Variants in ADAP1 observed in about 807,000 individuals in gnomAD.
The protein encoded by ADAP1 is arf-GAP with dual PH domain-containing protein 1.
Under a neutral mutation model 54.9 loss-of-function variants are expected in ADAP1, and 31 were observed. The observed-to-expected ratio is 0.56, with a 90% CI of 0.42 to 0.76. The LOEUF (loss-of-function observed/expected upper bound fraction) is 0.76, where lower values mean the gene tolerates loss of function less well. Among genes scored for constraint, ADAP1 ranks in the 30% least tolerant of loss-of-function variants. The pLI is 0.00. For synonymous variants in ADAP1, 313 were observed against 202.6 expected, an observed-to-expected ratio of 1.55 and a Z score of -4.63; for missense variants, 535 against 512.4, an observed-to-expected ratio of 1.04 and a Z score of -0.42.
intron 3 of ADAP1, among the ~76,000 whole-genome samples, chr7:922,710 C>T (rs1362056396): frequency 2.0e-5 from 3 of 152,138 alleles, no homozygotes; most frequent in Non-Finnish European, 4.4e-5. Flanking sequence ...CCCCCAGGGC[C>T]CCCGGCTTTG....
intron 4 of ADAP1, among the ~76,000 whole-genome samples, chr7:918,692 G>C (rs1846033246): frequency 6.6e-6 from 1 of 152,186 alleles, no homozygotes; most frequent in African/African-American, 2.4e-5. Context: ...CCAGGCCCTA[G>C]GGCTAGGCTT....
chr7:914,535 T>C (rs1005990210), intron 4 of ADAP1, among the ~76,000 whole-genome samples: 1 of 152,120 alleles, frequency 6.6e-6, no homozygotes, highest in African/African-American at 2.4e-5. Flanking sequence ...CTCCTGCTGC[T>C]GCACCCACCC....
At chr7:905,291 ACACGGACAGGGG>A (rs1845069742) in intron 4 of ADAP1, 119 bp from the exon 5 acceptor site, 5 of 311,328 alleles carry the variant, frequency 1.6e-5, no homozygotes, top group South Asian at 2.6e-5. Context: ...CGGACGGGGG[ACACGGACAGGGG>A]GAGACGGACG....
upstream of ADAP1, among the ~76,000 whole-genome samples, chr7:955,052 G>A (rs1339993877): frequency 6.6e-6 from 1 of 152,144 alleles, no homozygotes; most frequent in African/African-American, 2.4e-5. Context: ...TACGGACCAG[G>A]ACCAGGGCGC....
At chr7:899,834 C>T (rs1030386735) in intron 8 of ADAP1, among the ~76,000 whole-genome samples, 4 of 152,160 alleles carry the variant, frequency 2.6e-5, no homozygotes, top group African/African-American at 9.7e-5. Flanking sequence ...CAGGGAATGG[C>T]AAGATGTGGG....
chr7:898,734 G>T lies in ADAP1; in HGVS notation c.*187C>A. On this transcript the variant is annotated 3_prime_UTR_variant, in exon 11 of 11. Transcript: ENST00000265846. ...GTTAGAGATCAGGCCCAGGGCCTGG[G>T]CTGCCTGCCTTGAGGTTCCAGAGAA... 2 of 721,326 alleles carry T rather than the reference G, an allele frequency of 2.8e-6. No homozygotes were observed. Among genetic ancestry groups the T allele is most frequent in the South Asian group, 3.4e-5 (2 of 58,054 alleles). The allele number at this position is 721,326 out of a possible 1,614,324, so 44.7% of individuals were successfully genotyped here. A position where few individuals can be genotyped will look rare whatever the true frequency, so the allele number is the denominator to read the frequency against.
At chr7:954,710 G>A (rs1847346792), upstream of ADAP1, 3 of 981,392 alleles carry the variant, frequency 3.1e-6, no homozygotes, top group Admixed American at 6.3e-5. Context: ...CGCACGCTGC[G>A]CTCTGGCCGG....
chr7:916,862 C>T (rs1845954785), intron 4 of ADAP1, among the ~76,000 whole-genome samples: 1 of 152,128 alleles, frequency 6.6e-6, no homozygotes, highest in South Asian at 2.1e-4. Context: ...GGCAGCCTCC[C>T]ACCGGTCACC....
At position 898,142 on chromosome 7, in the gene ADAP1, G is replaced by GA. The variant is rs1393186391; in HGVS notation, c.*778dup. ...CTGCCTTGACAGGAAGGAGATAGGTGAAAAATAAATACACGGCTGGGCCGC... is the reference window on the plus strand; with the variant it reads ...CTGCCTTGACAGGAAGGAGATAGGTGAAAAAATAAATACACGGCTGGGCCGC... On this transcript the variant is annotated 3_prime_UTR_variant, in exon 11 of 11. Coordinates refer to ENST00000265846, the MANE Select transcript of ADAP1 (RefSeq NM_006869.4). 1 of 152,326 alleles carries GA rather than the reference G, an allele frequency of 6.6e-6. No homozygotes were observed. Among genetic ancestry groups the GA allele is most frequent in the Non-Finnish European group, 1.5e-5 (1 of 68,128 alleles). 9.4% of individuals were successfully genotyped at this position (152,326 alleles called of 1,614,324 possible).
chr7:948,305 G>A lies in ADAP1; in HGVS notation c.82+6091C>T, dbSNP rs73672472. On this transcript the variant is annotated intron_variant, in intron 1 of 10. Coordinates refer to ENST00000265846, the MANE Select transcript of ADAP1 (RefSeq NM_006869.4). ...CACCCCTCCCTCCATCATTCAGTAC[G>A]GAGCCCACCTCTGTACCCACCGAGG... is the stretch of plus-strand genomic sequence containing the variant. Among the ~76,000 whole-genome samples the A allele has an allele frequency of 5.5e-3, 837 of 151,884 alleles. 11 individuals carry two copies. Among genetic ancestry groups the A allele is most frequent in the African/African-American group, 0.019 (793 of 41,382 alleles).
In ADAP1 at chr7:926,729, C is replaced by T; in HGVS notation, c.214-85G>A. 1 of 1,100,794 alleles carries T rather than the reference C, an allele frequency of 9.1e-7. No homozygotes were observed. Among genetic ancestry groups the T allele is most frequent in the Non-Finnish European group, 1.3e-6 (1 of 789,578 alleles). The allele number at this position is 1,100,794 out of a possible 1,614,324, so 68.2% of individuals were successfully genotyped here. A position where few individuals can be genotyped will look rare whatever the true frequency, so the allele number is the denominator to read the frequency against. ...CCAGCTGCCCTTGGGGCCGTCACCA[C>T]AGTGACCCGCAGACCCAAGGCTCTG... On this transcript the variant is annotated intron_variant, in intron 2 of 10. Coordinates refer to ENST00000265846, the MANE Select transcript of ADAP1 (RefSeq NM_006869.4). This position sits in a 1 kb window ranked among gnomAD's most constrained non-coding sequence, Gnocchi z 4.6.
At chr7:905,682 A>AGAAAGG (rs1845198442) in intron 4 of ADAP1, 7 of 28,610 alleles carry the variant, frequency 2.4e-4, no homozygotes, top group Admixed American at 4.3e-4. Context: ...AAGGGAAAGG[A>AGAAAGG]GAAAGGAGAA....
At chr7:916,127 C>T (rs376615119) in intron 4 of ADAP1, among the ~76,000 whole-genome samples, 2 of 152,288 alleles carry the variant, frequency 1.3e-5, no homozygotes, top group South Asian at 2.1e-4. Context: ...TCAGAGGTGA[C>T]GAGACAGGGA....
chr7:944,904 G>C (rs953645647), intron 1 of ADAP1, among the ~76,000 whole-genome samples: 2 of 151,560 alleles, frequency 1.3e-5, no homozygotes, highest in African/African-American at 4.9e-5. Flanking sequence ...GGAAGAGCCC[G>C]GGGGGGTGAC....
intron 1 of ADAP1, among the ~76,000 whole-genome samples, chr7:935,887 G>T (rs1846745057): frequency 1.3e-5 from 2 of 152,232 alleles, no homozygotes; most frequent in Admixed American, 6.5e-5. Context: ...CCTGGGAGAA[G>T]TCTGTGGGCC....
chr7:906,805 TGGGGGG>T (rs1845473810), intron 4 of ADAP1, among the ~76,000 whole-genome samples: 1 of 42,150 alleles, frequency 2.4e-5, no homozygotes. Flanking sequence ...ACAGGGGACA[TGGGGGG>T]ACATGGGTCA....
chr7:931,886 C>G (rs944798367), intron 2 of ADAP1, among the ~76,000 whole-genome samples: 25 of 152,194 alleles, frequency 1.6e-4, no homozygotes, highest in African/African-American at 5.8e-4. Context: ...AGGCCCGTTT[C>G]TCCCTTAGGG....
chr7:952,146 G>C (rs552848596), intron 1 of ADAP1, among the ~76,000 whole-genome samples: 1 of 152,078 alleles, frequency 6.6e-6, no homozygotes. Flanking sequence ...GGTGGCCGCC[G>C]GGCGAGGCCC....
intron 4 of ADAP1, among the ~76,000 whole-genome samples, chr7:908,226 A>T (rs1845561634): frequency 6.6e-6 from 1 of 152,052 alleles, no homozygotes; most frequent in South Asian, 2.1e-4. Context: ...GATTGCAGAC[A>T]CCGCCCATCA....
Sources: gnomAD v4.1 joint callset for allele counts (sites outside exome capture counted in the v4.1 genomes callset) on GRCh38, gnomAD v4.1.1 for gene constraint, Gnocchi (gnomAD v3.1) non-coding constraint, MANE v1.5 for transcripts, NCBI Gene and HGNC (gene_info 2026-07-23, HGNC 2026-07-21) for gene names.